SPON1: variants seen among roughly 807,000 people sequenced by gnomAD.
SPON1 encodes the protein spondin-1.
SPON1 carries 52 observed loss-of-function variants against 111.7 expected under a neutral mutation model. The ratio of observed to expected loss-of-function variants is 0.47; its 90% CI spans 0.37 to 0.59. The LOEUF (loss-of-function observed/expected upper bound fraction) is 0.59. SPON1 is among the 20% of genes least tolerant of loss of function. The probability of loss-of-function intolerance (pLI) is 0.00; values close to 1 mark genes in which losing one functional copy is unlikely to be tolerated. For synonymous variants in SPON1, 410 were observed against 395.8 expected (o/e 1.04, Z -0.43); for missense variants, 957 against 1,068.5 (o/e 0.90, Z 1.46).
chr11:14,216,583 G>C (rs891217045), intron 6 of SPON1, among the ~76,000 whole-genome samples: 1 of 152,158 alleles, frequency 6.6e-6, no homozygotes, highest in Non-Finnish European at 1.5e-5. Context: ...CAAGAGCATG[G>C]TGCCAGTATC....
At chr11:14,079,284 C>T (rs959733176) in intron 4 of SPON1, among the ~76,000 whole-genome samples, 2 of 152,164 alleles carry the variant, frequency 1.3e-5, no homozygotes, top group Admixed American at 6.5e-5. Context: ...GTACAGTAAA[C>T]CTGAGCTTAT....
intron 5 of SPON1, among the ~76,000 whole-genome samples, chr11:14,122,814 T>C (rs1219904793): frequency 1.3e-5 from 2 of 152,222 alleles, no homozygotes; most frequent in African/African-American, 4.8e-5. Flanking sequence ...TGATAATAGC[T>C]GTTTTAAAGT....
In SPON1 at chr11:14,265,667, T is replaced by A; in HGVS notation, c.2404T>A (p.Cys802Ser). 1 of 1,613,710 alleles carries A rather than the reference T, an allele frequency of 6.2e-7. No homozygotes were observed. ...SCKDKKEIRA[C>S]NVHPC Reference sequence around the variant, plus strand: ...CAAAGACAAGAAGGAGATCAGAGCATGCAATGTTCATCCTTGTTAGCAAGG... The same window carrying A: ...CAAAGACAAGAAGGAGATCAGAGCAAGCAATGTTCATCCTTGTTAGCAAGG... Residue 802 changes from cysteine to serine, a missense_variant, in exon 16 of 16, where the codon TGC becomes AGC. By Grantham distance (112) the Cys-to-Ser change is moderately radical. Transcript: ENST00000576479.
chr11:14,199,923 C>G (rs937990932), intron 6 of SPON1, among the ~76,000 whole-genome samples: 7 of 152,210 alleles, frequency 4.6e-5, no homozygotes, highest in African/African-American at 1.2e-4. Flanking sequence ...TCCTCCCAGC[C>G]ACGCATATGT....
chr11:14,087,510 CTGTT>C lies in SPON1; in HGVS notation c.676+7494_676+7497del, dbSNP rs377112621. Among the ~76,000 whole-genome samples, 226 of 152,242 alleles carry C rather than the reference CTGTT, an allele frequency of 1.5e-3. 4 individuals are homozygous for C. In the East Asian group the frequency reaches 0.039, roughly 26 times the overall value. ...TTTGATTGCACTGTGGTCTGCGAGA[CTGTT>C]TGTTATGATTTCTGTTCTTTTGCAT... is the stretch of plus-strand genomic sequence containing the variant. On this transcript the variant is annotated intron_variant, in intron 5 of 15. Transcript: ENST00000576479.
chr11:14,024,305 C>T (rs1214341520), intron 2 of SPON1, among the ~76,000 whole-genome samples: 2 of 152,144 alleles, frequency 1.3e-5, no homozygotes, highest in African/African-American at 4.8e-5. Flanking sequence ...TCTGCCTTAT[C>T]GCAAGAGCAG....
chr11:14,161,212 TA>T (rs1847954047), intron 6 of SPON1, among the ~76,000 whole-genome samples: 1 of 92,334 alleles, frequency 1.1e-5, no homozygotes, highest in African/African-American at 4.5e-5. Context: ...TATATATTTA[TA>T]TATATCTATA....
At chr11:14,077,996 G>A (rs1370323179) in intron 4 of SPON1, among the ~76,000 whole-genome samples, 2 of 152,128 alleles carry the variant, frequency 1.3e-5, no homozygotes, top group Admixed American at 6.5e-5. Flanking sequence ...GGGAGAGAGG[G>A]CGGCTCTGGA....
chr11:14,135,582 A>G lies in SPON1; in HGVS notation c.825+14A>G, dbSNP rs1554927997. 1.9e-6 allele frequency: 3 copies of G among 1,611,046 alleles called. No homozygotes were observed. Among genetic ancestry groups the G allele is most frequent in the East Asian group, 2.2e-5 (1 of 44,788 alleles). On this transcript the variant is annotated intron_variant, in intron 6 of 15. Transcript: ENST00000576479. The surrounding 1 kb of genome is among the most constrained non-coding windows in gnomAD (Gnocchi z 4.4). ...ATTCGACAACAGGTAAGACAAAAAA[A>G]TCACAGAATGACCAAATAACAGAAA... is the stretch of plus-strand genomic sequence containing the variant.
rs140041854 is a variant in SPON1, at chr11:14,067,479, A to T, written c.480-7866A>T. Among the ~76,000 whole-genome samples, 15 of 152,278 alleles carry T rather than the reference A, an allele frequency of 9.9e-5. No individual in the cohort carries two copies. The East Asian group carries it at 2.9e-3, about 29-fold the overall frequency. ...TGATGTCAAGGCCAGTGTCTTTGTG[A>T]TTCTTCTTGGCCTTTCTTCATGGTA... On this transcript the variant is annotated intron_variant, in intron 3 of 15. Coordinates refer to ENST00000576479, the MANE Select transcript of SPON1 (RefSeq NM_006108.4).
In SPON1 at chr11:14,194,567, C is replaced by CACACACACAG. The variant is rs150398912; in HGVS notation, c.826-48765_826-48764insACACACACAG. ...ACACACACACACACACACACACACA[C>CACACACACAG]GGACTGCCTGCGTGGCTGGTACAAT... On this transcript the variant is annotated intron_variant, in intron 6 of 15. Coordinates refer to ENST00000576479, the MANE Select transcript of SPON1 (RefSeq NM_006108.4). Among the ~76,000 whole-genome samples the CACACACACAG allele has an allele frequency of 5.0e-3, 693 of 139,396 alleles. 55 individuals are homozygous for CACACACACAG. The highest frequency in any genetic ancestry group is 0.018 in the Middle Eastern group (5 of 276). The allele number at this position is 139,396 out of a possible 152,430, so 91.4% of individuals were successfully genotyped here.
Position 14,254,655 on chromosome 11 carries a change from T to C in SPON1, c.1018T>C (p.Cys340Arg). The change falls in exon 8 of 16, where the codon TGT (cysteine) becomes CGT (arginine). Residue 340 changes from cysteine (C) to arginine (R), a missense_variant. This residue lies in a region of SPON1 where 19 missense variants were observed against 47.5 expected (regional missense o/e 0.40). Coordinates refer to ENST00000576479, the MANE Select transcript of SPON1 (RefSeq NM_006108.4). The part of the protein sequence containing the change: ...LSAEDLCTKE[C>R]GWVQKVVQDL... ...TGCAGAAGATCTGTGCACCAAGGAA[T>C]GTGGCTGGGTCCAGAAGGTGGTGCA... 2.5e-6 allele frequency: 4 copies of C among 1,614,004 alleles called. No individual in the cohort carries two copies. Among genetic ancestry groups the C allele is most frequent in the African/African-American group, 2.7e-5 (2 of 75,028 alleles).
At chr11:14,095,988 A>C (rs1849097953) in intron 5 of SPON1, among the ~76,000 whole-genome samples, 1 of 152,262 alleles carries the variant, frequency 6.6e-6, no homozygotes, top group Non-Finnish European at 1.5e-5. Flanking sequence ...ATGATGGGAC[A>C]GGAGACATTG....
At chr11:14,106,583 T>C (rs1299378109) in intron 5 of SPON1, among the ~76,000 whole-genome samples, 1 of 152,174 alleles carries the variant, frequency 6.6e-6, no homozygotes, top group African/African-American at 2.4e-5. Flanking sequence ...CTCTACTGTT[T>C]GGGGTTGAAA....
At chr11:14,139,768 G>C (rs1280163885) in intron 6 of SPON1, among the ~76,000 whole-genome samples, 1 of 151,538 alleles carries the variant, frequency 6.6e-6, no homozygotes, top group African/African-American at 2.4e-5. Flanking sequence ...GACATAAAGA[G>C]GATTAGGAGT....
At chr11:14,146,532 A>G (rs1564915354) in intron 6 of SPON1, among the ~76,000 whole-genome samples, 1 of 152,194 alleles carries the variant, frequency 6.6e-6, no homozygotes, top group Non-Finnish European at 1.5e-5. Context: ...CAAAAAAAAT[A>G]CTGCATAACT....
intron 6 of SPON1, among the ~76,000 whole-genome samples, chr11:14,151,510 T>C (rs1847787899): frequency 6.6e-6 from 1 of 152,094 alleles, no homozygotes; most frequent in African/African-American, 2.4e-5. Flanking sequence ...ATTGTCAACA[T>C]CTACTGTGTG....
Position 14,171,172 on chromosome 11 carries a change from G to T in SPON1, c.825+35604G>T, listed in dbSNP as rs537891113. On this transcript the variant is annotated intron_variant, in intron 6 of 15. Transcript: ENST00000576479. ...TATTAATTATTGCCTCAATTTCAGA[G>T]CCTGTTATTGGTCTATTCAGGGATT... Among the ~76,000 whole-genome samples the T allele has an allele frequency of 2.6e-4, 39 of 152,198 alleles. No homozygotes were observed. The South Asian group carries it at 7.3e-3, about 28-fold the overall frequency.
intron 6 of SPON1, among the ~76,000 whole-genome samples, chr11:14,208,171 T>C (rs1848535109): frequency 6.6e-6 from 1 of 151,998 alleles, no homozygotes; most frequent in Non-Finnish European, 1.5e-5. Context: ...CATGGACACA[T>C]AGAGGGGAAC....
Sources: gnomAD v4.1 joint callset for allele counts (sites outside exome capture counted in the v4.1 genomes callset) on GRCh38, gnomAD v4.1.1 for gene constraint, gnomAD v4.1.1 regional missense constraint, Gnocchi (gnomAD v3.1) non-coding constraint, MANE v1.5 for transcripts, NCBI Gene and HGNC (gene_info 2026-07-23, HGNC 2026-07-21) for gene names.